Variants in MINK1 observed in about 807,000 individuals in gnomAD.
MINK1 encodes the protein misshapen-like kinase 1.
In MINK1, 46 loss-of-function variants were observed where a neutral mutation model predicts 178.4. The ratio of observed to expected loss-of-function variants is 0.26; its 90% CI spans 0.20 to 0.33. MINK1 has a LOEUF of 0.33. Ranked by LOEUF, MINK1 falls within the 10% of genes least tolerant of loss-of-function variation. MINK1 has a pLI of 1.00. For missense variants in MINK1, 1,366 were observed against 1,814.9 expected (o/e 0.75, Z 4.49); for synonymous variants, 797 against 709.7 (o/e 1.12, Z -1.96).
intron 5 of MINK1, 21 bp downstream of exon 5, chr17:4,884,494 C>G: frequency 6.4e-7 from 1 of 1,556,718 alleles, no homozygotes; most frequent in South Asian, 1.1e-5. Context: ...GGCCCCTCCC[C>G]TTGTCTTCTC....
Position 4,894,920 on chromosome 17 carries a change from C to G in MINK1, c.2918-155C>G, listed in dbSNP as rs766149462. ...AGACCTTTTGACTCCAAGTCCAGCA[C>G]TCTATCCCCCTCTCCCATGCACCTC... On this transcript the variant is annotated intron_variant, in intron 24 of 31. Coordinates refer to ENST00000355280, the MANE Select transcript of MINK1 (RefSeq NM_153827.5). The surrounding 1 kb of genome is among the most constrained non-coding windows in gnomAD (Gnocchi z 4.1). 6.5e-5 allele frequency: 54 copies of G among 827,138 alleles called. No homozygotes were observed. Among genetic ancestry groups the G allele is most frequent in the Non-Finnish European group, 9.7e-5 (52 of 535,568 alleles). 51.2% of individuals were successfully genotyped at this position (827,138 alleles called of 1,614,324 possible).
chr17:4,884,231 C>T (rs1967993603), intron 4 of MINK1, 132 bp from the exon 5 acceptor site: 1 of 659,114 alleles, frequency 1.5e-6, no homozygotes, highest in African/African-American at 1.8e-5. Flanking sequence ...GTGGCCCTTG[C>T]TCTCTAGCTC....
In MINK1 at chr17:4,885,326, C is replaced by T. The variant is rs1218113982; in HGVS notation, c.509-157C>T. ...AGATGCTGGAAGATGGAATCGGGTTCTTCAGGATGGTGGTGGGGTAAAGGA... is the reference window on the plus strand; with the variant it reads ...AGATGCTGGAAGATGGAATCGGGTTTTTCAGGATGGTGGTGGGGTAAAGGA... On this transcript the variant is annotated intron_variant, in intron 6 of 31. Coordinates refer to ENST00000355280, the MANE Select transcript of MINK1 (RefSeq NM_153827.5). The surrounding 1 kb of genome is among the most constrained non-coding windows in gnomAD (Gnocchi z 5.0). Among the ~76,000 whole-genome samples, 1 of 152,134 alleles carries T rather than the reference C, an allele frequency of 6.6e-6. No homozygotes were observed. Among genetic ancestry groups the T allele is most frequent in the African/African-American group, 2.4e-5 (1 of 41,398 alleles).
intron 1 of MINK1, among the ~76,000 whole-genome samples, chr17:4,868,072 G>A (rs967965883): frequency 6.6e-6 from 1 of 150,878 alleles, no homozygotes; most frequent in African/African-American, 2.4e-5. Context: ...CACCTTCCAG[G>A]TTCTAGTGAT....
intron 1 of MINK1, among the ~76,000 whole-genome samples, chr17:4,875,718 G>T (rs534824807): frequency 6.6e-6 from 1 of 151,986 alleles, no homozygotes; most frequent in Non-Finnish European, 1.5e-5. Flanking sequence ...GTTGCGGTGA[G>T]CCAAGATCGT....
At position 4,890,852 on chromosome 17, in the gene MINK1, C is replaced by T; in HGVS notation, c.1567-99C>T. 2.6e-6 allele frequency: 4 copies of T among 1,523,478 alleles called. No individual in the cohort carries two copies. The South Asian group carries it at 3.7e-5, about 14-fold the overall frequency. 94.4% of individuals were successfully genotyped at this position (1,523,478 alleles called of 1,614,324 possible). On this transcript the variant is annotated intron_variant, in intron 14 of 31. Coordinates refer to ENST00000355280, the MANE Select transcript of MINK1 (RefSeq NM_153827.5). ...CCAAGTAGGGGAAAGGAGCACACAG[C>T]ACAGAGCATAGGGCGGGAGTAGTTA...
At chr17:4,847,528 T>C (rs1020727713) in intron 1 of MINK1, among the ~76,000 whole-genome samples, 1 of 152,216 alleles carries the variant, frequency 6.6e-6, no homozygotes, top group East Asian at 1.9e-4. Flanking sequence ...GGAGTCCTTA[T>C]TTCTTCCTAA....
At chr17:4,890,005 T>TC (rs1444759300) in intron 13 of MINK1, 4 of 479,114 alleles carry the variant, frequency 8.3e-6, no homozygotes, top group South Asian at 2.2e-5. Flanking sequence ...CCCTTCCTCA[T>TC]CCCCCCTCAT....
chr17:4,865,107 TTC>T (rs1444255354), intron 1 of MINK1, among the ~76,000 whole-genome samples: 1 of 151,710 alleles, frequency 6.6e-6, no homozygotes, highest in Non-Finnish European at 1.5e-5. Context: ...TTTTTATCTT[TTC>T]TGTTTTACAT....
At chr17:4,866,210 G>A (rs1371323711) in intron 1 of MINK1, among the ~76,000 whole-genome samples, 1 of 152,168 alleles carries the variant, frequency 6.6e-6, no homozygotes, top group Non-Finnish European at 1.5e-5. Context: ...GTTCACGCCT[G>A]TAATCCCAGC....
chr17:4,872,263 G>C (rs1415259377), intron 1 of MINK1, among the ~76,000 whole-genome samples: 1 of 151,708 alleles, frequency 6.6e-6, no homozygotes, highest in Non-Finnish European at 1.5e-5. Context: ...CCAGGAGGTG[G>C]AGGTTGCAGT....
intron 4 of MINK1, among the ~76,000 whole-genome samples, chr17:4,883,571 A>G (rs1315875014): frequency 6.6e-5 from 10 of 151,356 alleles, no homozygotes; most frequent in Middle Eastern, 3.2e-3. Context: ...TCACTCTGTC[A>G]CCCAGGCTGG....
At chr17:4,875,555 C>T (rs1199706281) in intron 1 of MINK1, 1 of 447,592 alleles carries the variant, frequency 2.2e-6, no homozygotes, top group Admixed American at 2.4e-5. Flanking sequence ...GGTGGATCAC[C>T]TGAGGTCAAG....
intron 1 of MINK1, chr17:4,859,031 CAG>C (rs1188622579): frequency 1.3e-5 from 9 of 710,660 alleles, no homozygotes; most frequent in Non-Finnish European, 1.6e-5. Flanking sequence ...TGTTTCCTGT[CAG>C]GGGTAGGATG....
Position 4,881,198 on chromosome 17 carries a change from G to A in MINK1, c.247G>A (p.Ala83Thr). The change falls in exon 4 of 32, where the codon GCC becomes ACC. Residue 83 changes from alanine (A) to threonine (T), a missense_variant. Around this residue, in one of 14 missense-constraint regions of MINK1, gnomAD observed 109 missense variants for 369.4 expected, o/e 0.30. Coordinates refer to ENST00000355280, the MANE Select transcript of MINK1 (RefSeq NM_153827.5). ...AAAGTACTCTCACCACCGCAACATC[G>A]CCACCTACTACGGAGCCTTCATCAA... is the stretch of plus-strand genomic sequence containing the variant. Reference protein sequence around the residue: ...LKKYSHHRNIATYYGAFIKKS... With the variant: ...LKKYSHHRNITTYYGAFIKKS... 6.5e-7 allele frequency: 1 copy of A among 1,537,116 alleles called. No homozygotes were observed. The highest frequency in any genetic ancestry group is 8.7e-7 in the Non-Finnish European group (1 of 1,146,872).
intron 5 of MINK1, 60 bp from the exon 6 acceptor site, chr17:4,884,852 A>G (rs1362429516): frequency 1.4e-6 from 2 of 1,463,896 alleles, no homozygotes; most frequent in Non-Finnish European, 1.9e-6. Flanking sequence ...CTCACTCCCC[A>G]CTTACTCTTT....
At chr17:4,893,206 T>G in intron 20 of MINK1, 139 bp downstream of exon 20, 3 of 1,569,272 alleles carry the variant, frequency 1.9e-6, no homozygotes, top group Middle Eastern at 1.7e-4. Flanking sequence ...CTTCTCATGG[T>G]GCTAACCTTT....
chr17:4,853,720 G>T (rs1014355963), intron 1 of MINK1, among the ~76,000 whole-genome samples: 3 of 152,056 alleles, frequency 2.0e-5, no homozygotes, highest in Non-Finnish European at 2.9e-5. Flanking sequence ...AACTGTGAGA[G>T]GATGAACTTG....
At chr17:4,845,952 T>C (rs1304768773) in intron 1 of MINK1, among the ~76,000 whole-genome samples, 4 of 152,220 alleles carry the variant, frequency 2.6e-5, no homozygotes, top group African/African-American at 9.7e-5. Context: ...GAGTTGGATA[T>C]TTTAGAACAC....
Sources: allele counts gnomAD v4.1 joint callset (sites outside exome capture counted in the v4.1 genomes callset), GRCh38; gene constraint gnomAD v4.1.1; regional missense constraint gnomAD v4.1.1; non-coding constraint Gnocchi (gnomAD v3.1); transcripts MANE v1.5; gene names NCBI Gene and HGNC (gene_info 2026-07-23, HGNC 2026-07-21).